The following STIM2 variants were observed in gnomAD, a reference collection of about 807,000 sequenced individuals.
The protein encoded by STIM2 is stromal interaction molecule 2.
STIM2 carries 31 observed loss-of-function variants against 85.8 expected under a neutral mutation model. That is an observed-to-expected ratio of 0.36 (90% CI 0.27 to 0.49). STIM2 has a LOEUF of 0.49. STIM2 is among the 20% of genes least tolerant of loss of function. STIM2 has a pLI of 0.98. For synonymous variants in STIM2, 356 were observed against 331.1 expected (o/e 1.08, Z -0.82); for missense variants, 841 against 927.6 (o/e 0.91, Z 1.21).
At chr4:26,932,715 G>T (rs1279494318) in intron 2 of STIM2, among the ~76,000 whole-genome samples, 2 of 152,184 alleles carry the variant, frequency 1.3e-5, no homozygotes, top group Non-Finnish European at 2.9e-5. Context: ...GTGATCATGG[G>T]TTAGGAGCAC....
intron 1 of STIM2, among the ~76,000 whole-genome samples, chr4:26,882,611 G>A (rs979253771): frequency 1.7e-4 from 26 of 151,678 alleles, no homozygotes; most frequent in Non-Finnish European, 1.5e-5. Context: ...TCAGGCATGT[G>A]CCACCATACC....
chr4:26,862,455 G>A (rs1362234113), intron 1 of STIM2, among the ~76,000 whole-genome samples: 6 of 152,038 alleles, frequency 3.9e-5, no homozygotes, highest in African/African-American at 1.4e-4. Context: ...AGTCCTGCGG[G>A]CGTCTGGAAG....
intron 3 of STIM2, among the ~76,000 whole-genome samples, chr4:26,977,551 T>C (rs986075566): frequency 6.6e-6 from 1 of 152,132 alleles, no homozygotes; most frequent in African/African-American, 2.4e-5. Context: ...GATGGTAATC[T>C]GGTGAGAAGG....
intron 2 of STIM2, among the ~76,000 whole-genome samples, chr4:26,922,187 T>C (rs1190347791): frequency 3.3e-5 from 5 of 152,080 alleles, no homozygotes; most frequent in African/African-American, 4.8e-5. Flanking sequence ...TCTCTCAACA[T>C]CATTATCATT....
rs138416647 is a variant in STIM2 at position 27,022,551 on chromosome 4, C to T, written c.1796C>T (p.Ser599Phe). The T allele has an allele frequency of 1.5e-4, 245 of 1,604,680 alleles. No individual in the cohort carries two copies. The highest frequency in any genetic ancestry group is 2.0e-4 in the Non-Finnish European group (232 of 1,172,476). ...CCAGACACAGCTTCAGAATGTGACTCCTTAAATTCTTCCATTGGAAGGAAA... is the reference window on the plus strand; with the variant it reads ...CCAGACACAGCTTCAGAATGTGACTTCTTAAATTCTTCCATTGGAAGGAAA... The change falls in exon 12 of 12, where the codon TCC becomes TTC. Residue 599 changes from serine to phenylalanine, a missense_variant. Physicochemically the swap from Ser to Phe is radical, Grantham distance 155 (BLOSUM62 -2). Coordinates refer to ENST00000467087, the MANE Select transcript of STIM2 (RefSeq NM_020860.4).
At chr4:26,937,492 C>T (rs1366156739) in intron 2 of STIM2, among the ~76,000 whole-genome samples, 5 of 152,176 alleles carry the variant, frequency 3.3e-5, no homozygotes, top group Non-Finnish European at 7.4e-5. Context: ...CATAGTATCT[C>T]ACCTTAAAGA....
chr4:27,015,490 G>A (rs1319476209), intron 10 of STIM2, among the ~76,000 whole-genome samples: 1 of 151,660 alleles, frequency 6.6e-6, no homozygotes, highest in African/African-American at 2.4e-5. Flanking sequence ...AGCTACTTCA[G>A]TGAGCAACTG....
At chr4:26,870,871 TG>T (rs1722587396) in intron 1 of STIM2, among the ~76,000 whole-genome samples, 1 of 152,076 alleles carries the variant, frequency 6.6e-6, no homozygotes, top group Non-Finnish European at 1.5e-5. Flanking sequence ...GATGTGGAGA[TG>T]CAGGTTATTA....
At chr4:26,938,922 T>A (rs957270356) in intron 2 of STIM2, among the ~76,000 whole-genome samples, 26 of 152,296 alleles carry the variant, frequency 1.7e-4, no homozygotes, top group African/African-American at 5.5e-4. Context: ...TGTTTTTTTT[T>A]AAATTTTAAA....
At chr4:26,897,456 G>A (rs567775360) in intron 1 of STIM2, among the ~76,000 whole-genome samples, 5 of 152,046 alleles carry the variant, frequency 3.3e-5, no homozygotes, top group African/African-American at 1.2e-4. Context: ...TTTTCTAATT[G>A]GAATTTGATT....
rs1276148454 is a variant in STIM2 at position 26,977,776 on chromosome 4, G to C, written c.398-17603G>C. Among the ~76,000 whole-genome samples the C allele has an allele frequency of 2.6e-5, 4 of 152,050 alleles. No homozygotes were observed. The East Asian group carries it at 5.8e-4, about 22-fold the overall frequency. ...ATGGGGGAGGTTGTTAATAATGGGG[G>C]AAAACATTGAAAAATACTGGTTGAG... On this transcript the variant is annotated intron_variant, in intron 3 of 11. Transcript: ENST00000467087.
At chr4:26,929,877 TAG>T (rs201561616) in intron 2 of STIM2, among the ~76,000 whole-genome samples, 2,002 of 151,946 alleles carry the variant, frequency 0.013, 35 homozygotes, top group African/African-American at 0.046. Context: ...CATTATCAGT[TAG>T]AGATGATGGG....
Position 27,022,575 on chromosome 4 carries a change from A to G in STIM2, c.1820A>G (p.Lys607Arg), listed in dbSNP as rs1028588423. 2.9e-5 allele frequency: 46 copies of G among 1,610,334 alleles called. No individual in the cohort carries two copies. The highest frequency in any genetic ancestry group is 3.3e-4 in the Middle Eastern group (2 of 6,074). The stretch of plus-strand genomic sequence containing the variant: ...TCCTTAAATTCTTCCATTGGAAGGA[A>G]ACAGTCTCCTCCTTTAAGCCTCGAG... The change falls in exon 12 of 12, where the codon AAA becomes AGA. Residue 607 changes from lysine (K) to arginine (R), a missense_variant. Coordinates refer to ENST00000467087, the MANE Select transcript of STIM2 (RefSeq NM_020860.4).
intron 2 of STIM2, among the ~76,000 whole-genome samples, chr4:26,929,835 TA>T (rs1725138062): frequency 6.6e-6 from 1 of 151,960 alleles, no homozygotes; most frequent in African/African-American, 2.4e-5. Flanking sequence ...GGAAGGAGAC[TA>T]AACAAAATAA....
At chr4:26,873,676 T>A in intron 1 of STIM2, 3 of 738,800 alleles carry the variant, frequency 4.1e-6, no homozygotes, top group South Asian at 2.8e-5. Flanking sequence ...ACCACTCTCT[T>A]CTGCCATAAT....
intron 1 of STIM2, among the ~76,000 whole-genome samples, chr4:26,880,670 AATATATATGTAAAT>A (rs1216006364): frequency 6.8e-6 from 1 of 146,052 alleles, no homozygotes; most frequent in African/African-American, 2.5e-5. Context: ...TATATATGTA[AATATATATGTAAAT>A]ATATATATAT....
At chr4:26,942,644 T>C (rs1725655351) in intron 2 of STIM2, among the ~76,000 whole-genome samples, 1 of 152,294 alleles carries the variant, frequency 6.6e-6, no homozygotes, top group Non-Finnish European at 1.5e-5. Context: ...TGTCATGATA[T>C]GGTTTAATAT....
intron 10 of STIM2, among the ~76,000 whole-genome samples, chr4:27,013,787 T>G (rs1381967595): frequency 6.6e-6 from 1 of 152,008 alleles, no homozygotes; most frequent in Non-Finnish European, 1.5e-5. Flanking sequence ...CATTAAATGG[T>G]ATGATTTTAT....
At chr4:26,865,245 T>G (rs1050318748) in intron 1 of STIM2, among the ~76,000 whole-genome samples, 3 of 152,222 alleles carry the variant, frequency 2.0e-5, no homozygotes, top group Non-Finnish European at 4.4e-5. Context: ...CATATCCATT[T>G]GATCTAGTCG....
Sources: gnomAD v4.1 joint callset for allele counts (sites outside exome capture counted in the v4.1 genomes callset) on GRCh38, gnomAD v4.1.1 for gene constraint, MANE v1.5 for transcripts, NCBI Gene and HGNC (gene_info 2026-07-23, HGNC 2026-07-21) for gene names.